The following TUBB2A variants were observed in gnomAD, a reference collection of about 807,000 sequenced individuals.
TUBB2A encodes the protein tubulin beta-2A chain.
TUBB2A carries 7 observed loss-of-function variants against 33.9 expected under a neutral mutation model. That is an observed-to-expected ratio of 0.21 (90% confidence interval 0.12 to 0.39). The LOEUF (loss-of-function observed/expected upper bound fraction) is 0.39. Ranked by LOEUF, TUBB2A falls within the 10% of genes least tolerant of loss-of-function variation. TUBB2A has a pLI of 1.00. For synonymous variants in TUBB2A, 187 were observed against 247.6 expected (o/e 0.76, Z 2.30); for missense variants, 80 against 593.4 (o/e 0.13, Z 8.99).
chr6:3,157,344 C>A (rs1176961293), intron 1 of TUBB2A, 63 bp downstream of exon 1: 7 of 1,350,932 alleles, frequency 5.2e-6, no homozygotes, highest in Non-Finnish European at 5.7e-6. Context: ...CTCCAGCCCC[C>A]GCCCCGGCCC....
Position 3,155,526 on chromosome 6 carries a change from A to T in TUBB2A, c.277+99T>A. The T allele has an allele frequency of 2.2e-6, 2 of 903,720 alleles. No individual in the cohort carries two copies. The highest frequency in any genetic ancestry group is 1.7e-5 in the South Asian group (1 of 60,212). The allele number at this position is 903,720 out of a possible 1,614,324, so 56.0% of individuals were successfully genotyped here. On this transcript the variant is annotated intron_variant, in intron 3 of 3. Transcript: ENST00000333628. The surrounding 1 kb of genome is among the most constrained non-coding windows in gnomAD (Gnocchi z 4.2). ...CAGGACTCAGGGCTGCCGTGGACAC[A>T]GTGTCACCTTGGCACTGAACACTAA...
Position 3,157,475 on chromosome 6 carries a change from C to T in TUBB2A, c.-12G>A, listed in dbSNP as rs1019739969. 6.6e-7 allele frequency: 1 copy of T among 1,522,454 alleles called. No homozygotes were observed. The highest frequency in any genetic ancestry group is 8.8e-7 in the Non-Finnish European group (1 of 1,141,356). 94.3% of individuals were successfully genotyped at this position (1,522,454 alleles called of 1,614,324 possible). On this transcript the variant is annotated 5_prime_UTR_variant, in exon 1 of 4. Coordinates refer to ENST00000333628, the MANE Select transcript of TUBB2A (RefSeq NM_001069.3). ...ACGATCTCGCGCATGGTGCCGGCTGCGGAGCGGGTGGCGCTGGCCCTCGGA... is the reference window on the plus strand; with the variant it reads ...ACGATCTCGCGCATGGTGCCGGCTGTGGAGCGGGTGGCGCTGGCCCTCGGA...
In TUBB2A at chr6:3,153,963, C is replaced by T. The variant is rs1561805674; in HGVS notation, c.1238G>A (p.Ser413Asn). The T allele has an allele frequency of 6.2e-7, 1 of 1,610,088 alleles. No homozygotes were observed. The highest frequency in any genetic ancestry group is 1.7e-5 in the Admixed American group (1 of 59,602). ...CTCGGACACCAGGTCGTTCATGTTG[C>T]TCTCGGCCTCGGTGAACTCCATCTC... ...MDEMEFTEAE[S>N]NMNDLVSEYQ... Residue 413 changes from serine to asparagine, a missense_variant, in exon 4 of 4, where the codon AGC becomes AAC. This residue lies in a region of TUBB2A where 25 missense variants were observed against 350.5 expected (regional missense o/e 0.07). Transcript: ENST00000333628.
chr6:3,156,268 T>G, intron 1 of TUBB2A, 116 bp from the exon 2 acceptor site: 1 of 1,346,836 alleles, frequency 7.4e-7, no homozygotes, highest in Non-Finnish European at 1.0e-6. Flanking sequence ...AGTTAGTAAG[T>G]GCTAGACAGA....
chr6:3,154,856 C>T lies in TUBB2A; in HGVS notation c.345G>A (p.Ser115=), dbSNP rs754658850. Residue 115 remains serine (S), a synonymous_variant, in exon 4 of 4, where the codon TCG becomes TCA. Coordinates refer to ENST00000333628, the MANE Select transcript of TUBB2A (RefSeq NM_001069.3). The part of the protein sequence containing the change: ...HYTEGAELVD[S]VLDVVRKESE... Reference sequence around the variant, plus strand: ...ACTCCTTCCTCACCACATCCAGGACCGAGTCGACCAGCTCGGCTCCCTCTG... The same window carrying T: ...ACTCCTTCCTCACCACATCCAGGACTGAGTCGACCAGCTCGGCTCCCTCTG... 4.3e-6 allele frequency: 7 copies of T among 1,613,452 alleles called. No individual in the cohort carries two copies. The highest frequency in any genetic ancestry group is 3.3e-5 in the South Asian group (3 of 91,032).
At position 3,154,548 on chromosome 6, in the gene TUBB2A, G is replaced by A; in HGVS notation, c.653C>T (p.Thr218Ile). ...YDICFRTLKL[T>I]TPTYGDLNHL... Reference sequence around the variant, plus strand: ...GTTGAGGTCCCCGTAGGTGGGGGTGGTCAGCTTCAGGGTGCGGAAGCAGAT... The same window carrying A: ...GTTGAGGTCCCCGTAGGTGGGGGTGATCAGCTTCAGGGTGCGGAAGCAGAT... Residue 218 changes from threonine to isoleucine, a missense_variant, in exon 4 of 4, where the codon ACC becomes ATC. Physicochemically the swap from Thr to Ile is moderately conservative, Grantham distance 89. Coordinates refer to ENST00000333628, the MANE Select transcript of TUBB2A (RefSeq NM_001069.3). 1.2e-6 allele frequency: 2 copies of A among 1,613,352 alleles called. No homozygotes were observed. Among genetic ancestry groups the A allele is most frequent in the Non-Finnish European group, 1.7e-6 (2 of 1,179,826 alleles).
chr6:3,155,924 G>A lies in TUBB2A; in HGVS notation c.166+120C>T. On this transcript the variant is annotated intron_variant, in intron 2 of 3. Coordinates refer to ENST00000333628, the MANE Select transcript of TUBB2A (RefSeq NM_001069.3). The surrounding 1 kb of genome is among the most constrained non-coding windows in gnomAD (Gnocchi z 4.2). ...AACCATAAAACATGTTTTTCCAGCA[G>A]TTGGCATTTGAAATGAATATGCAAG... is the stretch of plus-strand genomic sequence containing the variant. 2 of 1,497,328 alleles carry A rather than the reference G, an allele frequency of 1.3e-6. No homozygotes were observed. The highest frequency in any genetic ancestry group is 1.8e-6 in the Non-Finnish European group (2 of 1,113,368). 92.8% of individuals were successfully genotyped at this position (1,497,328 alleles called of 1,614,324 possible).
chr6:3,153,785 C>A lies in TUBB2A; in HGVS notation c.*78G>T. ...TTTCTAACAGAGGCAAAACTGAGCA[C>A]CATAGTTTACAAGTAGAAAGACCAT... On this transcript the variant is annotated 3_prime_UTR_variant, in exon 4 of 4. Transcript: ENST00000333628. 6.3e-7 allele frequency: 1 copy of A among 1,591,580 alleles called. No individual in the cohort carries two copies. The highest frequency in any genetic ancestry group is 8.6e-7 in the Non-Finnish European group (1 of 1,165,874).
rs1345973720 is a variant in TUBB2A at position 3,153,683 on chromosome 6, T to G, written c.*180A>C. On this transcript the variant is annotated 3_prime_UTR_variant, in exon 4 of 4. Coordinates refer to ENST00000333628, the MANE Select transcript of TUBB2A (RefSeq NM_001069.3). ...CCACAAGGTTTTCTACACATGCTTTTTTATTAGTATAGATACCTTCACAGA... is the reference window on the plus strand; with the variant it reads ...CCACAAGGTTTTCTACACATGCTTTGTTATTAGTATAGATACCTTCACAGA... 2.1e-5 allele frequency: 21 copies of G among 993,134 alleles called. No homozygotes were observed. Among genetic ancestry groups the G allele is most frequent in the Non-Finnish European group, 1.5e-6 (1 of 688,554 alleles). The allele number at this position is 993,134 out of a possible 1,614,324, so 61.5% of individuals were successfully genotyped here.
Position 3,153,679 on chromosome 6 carries a change from C to T in TUBB2A, c.*184G>A. On this transcript the variant is annotated 3_prime_UTR_variant, in exon 4 of 4. Transcript: ENST00000333628. ...CAGACCACAAGGTTTTCTACACATG[C>T]TTTTTTATTAGTATAGATACCTTCA... The T allele has an allele frequency of 1.0e-6, 1 of 971,134 alleles. No homozygotes were observed. Among genetic ancestry groups the T allele is most frequent in the Non-Finnish European group, 1.5e-6 (1 of 669,282 alleles). 60.2% of individuals were successfully genotyped at this position (971,134 alleles called of 1,614,324 possible). A position where few individuals can be genotyped will look rare whatever the true frequency, so the allele number is the denominator to read the frequency against.
chr6:3,153,844 C>A lies in TUBB2A; in HGVS notation c.*19G>T, dbSNP rs1554122890. The A allele has an allele frequency of 6.2e-7, 1 of 1,613,864 alleles. No individual in the cohort carries two copies. The highest frequency in any genetic ancestry group is 1.1e-5 in the South Asian group (1 of 91,076). On this transcript the variant is annotated 3_prime_UTR_variant, in exon 4 of 4. Coordinates refer to ENST00000333628, the MANE Select transcript of TUBB2A (RefSeq NM_001069.3). Reference sequence around the variant, plus strand: ...ACAACAGAAGTTCACTAAGGATGCACGATTGATCTGAGAAGTTTTTAAGCC... The same window carrying A: ...ACAACAGAAGTTCACTAAGGATGCAAGATTGATCTGAGAAGTTTTTAAGCC...
Position 3,155,163 on chromosome 6 carries a change from G to C in TUBB2A, c.278-240C>G. 1.7e-6 allele frequency: 2 copies of C among 1,177,792 alleles called. No individual in the cohort carries two copies. The highest frequency in any genetic ancestry group is 5.2e-5 in the East Asian group (2 of 38,690). The allele number at this position is 1,177,792 out of a possible 1,614,324, so 73.0% of individuals were successfully genotyped here. On this transcript the variant is annotated intron_variant, in intron 3 of 3. Transcript: ENST00000333628. The surrounding 1 kb of genome is among the most constrained non-coding windows in gnomAD (Gnocchi z 4.2). ...GGCTATTGATTGAGGAAGAGGATAG[G>C]GTTAGAAAACTTAATTGGTTCTGAA...
In TUBB2A at chr6:3,155,875, G is replaced by A; in HGVS notation, c.167-140C>T. Reference sequence around the variant, plus strand: ...GGAGGTCCTGAGTGTGCTTAGCCGTGGCAAACAGGCAGGAATCTTAGGAAA... The same window carrying A: ...GGAGGTCCTGAGTGTGCTTAGCCGTAGCAAACAGGCAGGAATCTTAGGAAA... On this transcript the variant is annotated intron_variant, in intron 2 of 3. Coordinates refer to ENST00000333628, the MANE Select transcript of TUBB2A (RefSeq NM_001069.3). This position sits in a 1 kb window ranked among gnomAD's most constrained non-coding sequence, Gnocchi z 4.2. 7.2e-7 allele frequency: 1 copy of A among 1,386,832 alleles called. No homozygotes were observed. Among genetic ancestry groups the A allele is most frequent in the Non-Finnish European group, 9.7e-7 (1 of 1,026,624 alleles). The allele number at this position is 1,386,832 out of a possible 1,614,324, so 85.9% of individuals were successfully genotyped here.
Position 3,153,698 on chromosome 6 carries a change from A to T in TUBB2A, c.*165T>A. 1 of 1,102,370 alleles carries T rather than the reference A, an allele frequency of 9.1e-7. No individual in the cohort carries two copies. The highest frequency in any genetic ancestry group is 2.7e-5 in the Admixed American group (1 of 37,272). The allele number at this position is 1,102,370 out of a possible 1,614,324, so 68.3% of individuals were successfully genotyped here. A position where few individuals can be genotyped will look rare whatever the true frequency, so the allele number is the denominator to read the frequency against. The stretch of plus-strand genomic sequence containing the variant: ...CACATGCTTTTTTATTAGTATAGAT[A>T]CCTTCACAGACAATACTGTAATTTT... On this transcript the variant is annotated 3_prime_UTR_variant, in exon 4 of 4. Coordinates refer to ENST00000333628, the MANE Select transcript of TUBB2A (RefSeq NM_001069.3).
intron 1 of TUBB2A, 122 bp downstream of exon 1, chr6:3,157,285 C>A: frequency 8.8e-7 from 1 of 1,136,388 alleles, no homozygotes; most frequent in Non-Finnish European, 1.1e-6. Flanking sequence ...CCCCGCCCGG[C>A]GGCCTCGCCG....
Position 3,154,018 on chromosome 6 carries a change from G to A in TUBB2A, c.1183C>T (p.Leu395=). 1 of 1,595,736 alleles carries A rather than the reference G, an allele frequency of 6.3e-7. No individual in the cohort carries two copies. Among genetic ancestry groups the A allele is most frequent in the Non-Finnish European group, 8.5e-7 (1 of 1,173,318 alleles). Residue 395 remains leucine (L), a synonymous_variant, in exon 4 of 4, where the codon CTG becomes TTG. Transcript: ENST00000333628. ...FTAMFRRKAF[L]HWYTGEGMDE... The stretch of plus-strand genomic sequence containing the variant: ...ATGCCCTCGCCCGTGTACCAGTGCA[G>A]GAAGGCCTTGCGCCGGAACATGGCC...
At chr6:3,157,278 C>G in intron 1 of TUBB2A, 129 bp downstream of exon 1, 1 of 1,111,252 alleles carries the variant, frequency 9.0e-7, no homozygotes, top group Non-Finnish European at 1.1e-6. Context: ...TCCCGGACCC[C>G]GCCCGGCGGC....
rs1386719590 is a variant in TUBB2A, at chr6:3,155,201, T to A, written c.278-278A>T. The A allele has an allele frequency of 1.2e-5, 10 of 823,136 alleles. No homozygotes were observed. The highest frequency in any genetic ancestry group is 1.8e-5 in the Non-Finnish European group (10 of 546,088). 51.0% of individuals were successfully genotyped at this position (823,136 alleles called of 1,614,324 possible). On this transcript the variant is annotated intron_variant, in intron 3 of 3. Transcript: ENST00000333628. This position sits in a 1 kb window ranked among gnomAD's most constrained non-coding sequence, Gnocchi z 4.2. ...AATTGGTTCTGAAATACATACATTT[T>A]TAAGAGGCATTCTCTTTATACTCAA... is the stretch of plus-strand genomic sequence containing the variant.
In TUBB2A at chr6:3,155,865, G is replaced by A; in HGVS notation, c.167-130C>T. ...TTAAGAAAAAGGAGGTCCTGAGTGT[G>A]CTTAGCCGTGGCAAACAGGCAGGAA... On this transcript the variant is annotated intron_variant, in intron 2 of 3. Transcript: ENST00000333628. The surrounding 1 kb of genome is among the most constrained non-coding windows in gnomAD (Gnocchi z 4.2). 1 of 1,351,830 alleles carries A rather than the reference G, an allele frequency of 7.4e-7. No homozygotes were observed. The highest frequency in any genetic ancestry group is 2.4e-5 in the East Asian group (1 of 41,156). 83.7% of individuals were successfully genotyped at this position (1,351,830 alleles called of 1,614,324 possible).
Sources: allele counts gnomAD v4.1 joint callset, GRCh38; gene constraint gnomAD v4.1.1; regional missense constraint gnomAD v4.1.1; non-coding constraint Gnocchi (gnomAD v3.1); transcripts MANE v1.5; gene names NCBI Gene and HGNC (gene_info 2026-07-23, HGNC 2026-07-21).